The following PCSK2 variants were observed in gnomAD, a reference collection of about 807,000 sequenced individuals.
The protein encoded by PCSK2 is proprotein convertase subtilisin/kexin type 2.
A neutral mutation model predicts 69.7 loss-of-function variants in PCSK2; 14 were observed. That is an observed-to-expected ratio of 0.20 (90% CI 0.13 to 0.31). The LOEUF (loss-of-function observed/expected upper bound fraction) is 0.31, where lower values mean the gene tolerates loss of function less well. PCSK2 is among the 10% of genes least tolerant of loss of function. PCSK2 has a pLI of 1.00. For missense variants in PCSK2, 544 were observed against 842.5 expected, an observed-to-expected ratio of 0.65 and a Z score of 4.39; for synonymous variants, 307 against 320.7, an observed-to-expected ratio of 0.96 and a Z score of 0.46.
intron 2 of PCSK2, among the ~76,000 whole-genome samples, chr20:17,305,457 T>C (rs1283547306): frequency 2.0e-5 from 3 of 152,198 alleles, no homozygotes; most frequent in Non-Finnish European, 4.4e-5. Context: ...GAAGGAATCG[T>C]GTGTAATCTG....
chr20:17,333,910 CATATATATATAT>C (rs3076241), intron 2 of PCSK2, among the ~76,000 whole-genome samples: 25 of 86,416 alleles, frequency 2.9e-4, no homozygotes, highest in Middle Eastern at 5.4e-3. Context: ...TAAGTCACTG[CATATATATATAT>C]ATATATATAT....
intron 2 of PCSK2, among the ~76,000 whole-genome samples, chr20:17,333,071 A>T (rs566922081): frequency 6.6e-6 from 1 of 152,194 alleles, no homozygotes; most frequent in African/African-American, 2.4e-5. Context: ...TTAATTTCCC[A>T]ATGTTCACAA....
At chr20:17,294,358 G>A (rs1988816011) in intron 2 of PCSK2, among the ~76,000 whole-genome samples, 2 of 151,616 alleles carry the variant, frequency 1.3e-5, no homozygotes, top group Non-Finnish European at 2.9e-5. Context: ...CACCCGCCTC[G>A]GCCTCCCAAA....
chr20:17,344,720 C>T (rs1231364210), intron 2 of PCSK2, among the ~76,000 whole-genome samples: 2 of 152,204 alleles, frequency 1.3e-5, no homozygotes, highest in Non-Finnish European at 2.9e-5. Context: ...GTGTATCCCT[C>T]CATGCCAAAC....
At chr20:17,289,072 C>T (rs1028211462) in intron 2 of PCSK2, among the ~76,000 whole-genome samples, 1 of 152,170 alleles carries the variant, frequency 6.6e-6, no homozygotes, top group Non-Finnish European at 1.5e-5. Context: ...TTTCTCTCAA[C>T]CGAAGGACAG....
At chr20:17,339,084 CT>C (rs1461990515) in intron 2 of PCSK2, among the ~76,000 whole-genome samples, 1 of 152,174 alleles carries the variant, frequency 6.6e-6, no homozygotes, top group Non-Finnish European at 1.5e-5. Flanking sequence ...AGACCCTCCC[CT>C]AGAAAGCTTC....
chr20:17,246,337 T>G (rs1568568337), intron 1 of PCSK2, among the ~76,000 whole-genome samples: 1 of 152,204 alleles, frequency 6.6e-6, no homozygotes, highest in African/African-American at 2.4e-5. Context: ...CTATAAAGTG[T>G]GTACAATCCA....
rs1303205099 is a variant in PCSK2 at position 17,477,328 on chromosome 20, AT to A, written c.1431-4252del. 8.6e-5 allele frequency among the ~76,000 whole-genome samples: 10 copies of A among 115,970 alleles called. No homozygotes were observed. In the East Asian group the frequency reaches 2.4e-3, roughly 28 times the overall value. The allele number at this position is 115,970 out of a possible 152,430, so 76.1% of individuals were successfully genotyped here. The stretch of plus-strand genomic sequence containing the variant: ...TGTGCCTGGTATTTTATTTTATTTT[AT>A]TTTATTTATTTATTTATTTATTTTT... On this transcript the variant is annotated intron_variant, in intron 11 of 11. Transcript: ENST00000262545.
intron 6 of PCSK2, among the ~76,000 whole-genome samples, chr20:17,424,081 A>G (rs1010029874): frequency 6.6e-6 from 1 of 152,238 alleles, no homozygotes; most frequent in Non-Finnish European, 1.5e-5. Flanking sequence ...GGTACATGGA[A>G]ATAATAAACA....
At chr20:17,271,886 T>A (rs1987882544) in intron 2 of PCSK2, among the ~76,000 whole-genome samples, 2 of 152,110 alleles carry the variant, frequency 1.3e-5, no homozygotes, top group African/African-American at 4.8e-5. Flanking sequence ...CAGTCCCTAC[T>A]CTACAACACC....
chr20:17,373,178 C>T (rs1328716210), intron 5 of PCSK2, among the ~76,000 whole-genome samples: 1 of 152,068 alleles, frequency 6.6e-6, no homozygotes, highest in African/African-American at 2.4e-5. Flanking sequence ...TTCTAGGAAG[C>T]AGGGGTAGAG....
At chr20:17,399,620 T>A (rs187103622) in intron 5 of PCSK2, among the ~76,000 whole-genome samples, 1 of 152,270 alleles carries the variant, frequency 6.6e-6, no homozygotes, top group Non-Finnish European at 1.5e-5. Flanking sequence ...GCAGAGACTT[T>A]GTCACTGGCA....
intron 5 of PCSK2, among the ~76,000 whole-genome samples, chr20:17,394,131 CT>C (rs1393480755): frequency 6.6e-6 from 1 of 152,154 alleles, no homozygotes; most frequent in Non-Finnish European, 1.5e-5. Flanking sequence ...GACCCTGGAT[CT>C]GTTTTCTGTA....
chr20:17,355,672 C>G (rs202246333), intron 2 of PCSK2, among the ~76,000 whole-genome samples: 1 of 151,634 alleles, frequency 6.6e-6, no homozygotes, highest in African/African-American at 2.4e-5. Context: ...CACACACACA[C>G]ACAGAGAGAG....
chr20:17,348,922 C>T (rs2029890792), intron 2 of PCSK2, among the ~76,000 whole-genome samples: 1 of 152,132 alleles, frequency 6.6e-6, no homozygotes, highest in South Asian at 2.1e-4. Flanking sequence ...GAAGAGAGTC[C>T]AGCCCACAAC....
rs80310257 is a variant in PCSK2, at chr20:17,270,591, T to C, written c.282+10247T>C. The stretch of plus-strand genomic sequence containing the variant: ...GTCCCATTTAGCAATAAAGAACTTA[T>C]TGCTTGAGAGAAAACAGGTAAGACA... On this transcript the variant is annotated intron_variant, in intron 2 of 11. Transcript: ENST00000262545. Among the ~76,000 whole-genome samples the C allele has an allele frequency of 8.3e-3, 1,263 of 152,218 alleles. 16 individuals are homozygous for C. Among genetic ancestry groups the C allele is most frequent in the African/African-American group, 0.028 (1,160 of 41,542 alleles).
At chr20:17,345,729 G>C (rs190041600) in intron 2 of PCSK2, among the ~76,000 whole-genome samples, 2 of 152,006 alleles carry the variant, frequency 1.3e-5, no homozygotes, top group African/African-American at 4.8e-5. Context: ...CTTGAAATTC[G>C]GTGCTCTTTC....
chr20:17,305,409 G>A (rs1989295184), intron 2 of PCSK2, among the ~76,000 whole-genome samples: 1 of 152,140 alleles, frequency 6.6e-6, no homozygotes, highest in African/African-American at 2.4e-5. Flanking sequence ...AATCCAAAGA[G>A]GATAGTAAGA....
intron 5 of PCSK2, among the ~76,000 whole-genome samples, chr20:17,398,660 G>T (rs1214878643): frequency 1.3e-5 from 2 of 151,994 alleles, no homozygotes; most frequent in Non-Finnish European, 2.9e-5. Flanking sequence ...AGAAGGCTAG[G>T]ATATGAGGTA....
Sources: gnomAD v4.1 joint callset for allele counts (sites outside exome capture counted in the v4.1 genomes callset) on GRCh38, gnomAD v4.1.1 for gene constraint, MANE v1.5 for transcripts, NCBI Gene and HGNC (gene_info 2026-07-23, HGNC 2026-07-21) for gene names.